The following CTNNA3 variants were observed in gnomAD, a reference collection of about 807,000 sequenced individuals.
CTNNA3 encodes the protein catenin alpha 3.
A neutral mutation model predicts 95.7 loss-of-function variants in CTNNA3; 76 were observed. The observed-to-expected ratio is 0.79, with a 90% CI of 0.66 to 0.96. CTNNA3 has a LOEUF of 0.96. CTNNA3 is among the 40% of genes least tolerant of loss of function. CTNNA3 has a pLI of 0.00. For synonymous variants in CTNNA3, 431 were observed against 374.4 expected (o/e 1.15, Z -1.74); for missense variants, 1,191 against 1,089.8 (o/e 1.09, Z -1.31).
At chr10:65,941,310 C>T (rs1230290116) in intron 17 of CTNNA3, among the ~76,000 whole-genome samples, 2 of 152,122 alleles carry the variant, frequency 1.3e-5, no homozygotes, top group African/African-American at 2.4e-5. Context: ...ACCCATGGTG[C>T]AATACTGACT....
At chr10:66,048,306 C>T (rs2079873116) in intron 15 of CTNNA3, among the ~76,000 whole-genome samples, 2 of 151,984 alleles carry the variant, frequency 1.3e-5, no homozygotes, top group African/African-American at 4.8e-5. Context: ...GAATAGAGAG[C>T]CCAGAAATAA....
chr10:66,980,784 G>C (rs116803809), intron 7 of CTNNA3, among the ~76,000 whole-genome samples: 56 of 152,310 alleles, frequency 3.7e-4, no homozygotes, highest in African/African-American at 1.3e-3. Flanking sequence ...TCATGTACAA[G>C]AGTGTTCAAG....
At chr10:66,451,700 A>G (rs1373200250) in intron 11 of CTNNA3, among the ~76,000 whole-genome samples, 4 of 152,180 alleles carry the variant, frequency 2.6e-5, no homozygotes, top group East Asian at 1.9e-4. Context: ...TCCTAGATAC[A>G]TAATTATGTG....
chr10:65,971,622 A>G (rs1187217315), intron 16 of CTNNA3, among the ~76,000 whole-genome samples: 4 of 152,000 alleles, frequency 2.6e-5, no homozygotes, highest in Admixed American at 2.6e-4. Context: ...TGAATTAGAA[A>G]GAAACTGAAA....
intron 13 of CTNNA3, among the ~76,000 whole-genome samples, chr10:66,166,799 G>GTGATCAGTTAGTATGATGGCAGA (rs1387383943): frequency 6.6e-6 from 1 of 152,116 alleles, no homozygotes; most frequent in Non-Finnish European, 1.5e-5. Flanking sequence ...GAAGGTTAGT[G>GTGATCAGTTAGTATGATGGCAGA]TGATCAGTTA....
chr10:67,240,047 A>G (rs373191209), intron 5 of CTNNA3, among the ~76,000 whole-genome samples: 5 of 152,342 alleles, frequency 3.3e-5, no homozygotes, highest in African/African-American at 1.2e-4. Flanking sequence ...CACATGGAAT[A>G]GCTCAGCATA....
intron 5 of CTNNA3, among the ~76,000 whole-genome samples, chr10:67,398,911 G>A (rs1261527020): frequency 6.6e-6 from 1 of 152,148 alleles, no homozygotes; most frequent in Non-Finnish European, 1.5e-5. Context: ...TAAGTTTCCT[G>A]AGGCCTTCCA....
intron 7 of CTNNA3, among the ~76,000 whole-genome samples, chr10:66,777,798 T>TGC (rs1491267483): frequency 1.2e-4 from 5 of 41,544 alleles, no homozygotes; most frequent in East Asian, 9.5e-4. Context: ...CACACACACA[T>TGC]GCACACACAC....
rs187335147 is a variant in CTNNA3 at position 66,003,456 on chromosome 10, C to T, written c.2160-14659G>A. Among the ~76,000 whole-genome samples, 36 of 151,950 alleles carry T rather than the reference C, an allele frequency of 2.4e-4. 1 individual carries two copies. Among genetic ancestry groups the T allele is most frequent in the African/African-American group, 8.2e-4 (34 of 41,354 alleles). ...TTCGGTCCTCAAATACCTCAATTTA[C>T]CCTTTACCTGTTAGTGTTGTAACAA... On this transcript the variant is annotated intron_variant, in intron 15 of 17. Transcript: ENST00000433211.
At chr10:67,091,367 T>C (rs10740267) in intron 7 of CTNNA3, among the ~76,000 whole-genome samples, 30,346 of 151,696 alleles carry the variant, frequency 0.2, 5,003 homozygotes, top group African/African-American at 0.46. Flanking sequence ...AATATATACA[T>C]GTATATATTT....
intron 11 of CTNNA3, among the ~76,000 whole-genome samples, chr10:66,413,212 CTGG>C (rs1420604235): frequency 1.3e-5 from 2 of 152,116 alleles, no homozygotes; most frequent in African/African-American, 4.8e-5. Flanking sequence ...TCCATTCTTG[CTGG>C]TAATATCTGG....
Position 66,331,342 on chromosome 10 carries a change from G to GC in CTNNA3, c.1732+47809_1732+47810insG, listed in dbSNP as rs201302254. On this transcript the variant is annotated intron_variant, in intron 12 of 17. Coordinates refer to ENST00000433211, the MANE Select transcript of CTNNA3 (RefSeq NM_013266.4). ...ATATGGACTCCTTTCCCCATTGTTT[G>GC]TTTTTTTTTTTTTTTTTTTTTTTTT... 4.3e-3 allele frequency among the ~76,000 whole-genome samples: 344 copies of GC among 80,326 alleles called. 45 individuals carry two copies. Among genetic ancestry groups the GC allele is most frequent in the African/African-American group, 0.013 (274 of 21,182 alleles). The allele number at this position is 80,326 out of a possible 152,430, so 52.7% of individuals were successfully genotyped here. A position where few individuals can be genotyped will look rare whatever the true frequency, so the allele number is the denominator to read the frequency against.
At chr10:66,250,033 G>C (rs1309839961) in intron 13 of CTNNA3, among the ~76,000 whole-genome samples, 1 of 152,096 alleles carries the variant, frequency 6.6e-6, no homozygotes, top group African/African-American at 2.4e-5. Flanking sequence ...AGAAAATGTA[G>C]TACATATACA....
chr10:67,339,716 T>G (rs1286328502), intron 5 of CTNNA3, among the ~76,000 whole-genome samples: 1 of 152,216 alleles, frequency 6.6e-6, no homozygotes, highest in Non-Finnish European at 1.5e-5. Context: ...AATACTCTTA[T>G]GTTGAAATAG....
At chr10:66,443,510 G>C (rs368474411) in intron 11 of CTNNA3, among the ~76,000 whole-genome samples, 5 of 152,246 alleles carry the variant, frequency 3.3e-5, no homozygotes, top group East Asian at 1.9e-4. Context: ...AAAATCCGCT[G>C]TTCTACAGCC....
chr10:67,598,199 C>G (rs1842981796), intron 3 of CTNNA3, among the ~76,000 whole-genome samples: 1 of 152,134 alleles, frequency 6.6e-6, no homozygotes, highest in African/African-American at 2.4e-5. Flanking sequence ...CATTCTTGTT[C>G]CAAACCTTCT....
intron 15 of CTNNA3, among the ~76,000 whole-genome samples, chr10:66,044,666 A>G (rs1446549351): frequency 6.6e-6 from 1 of 152,160 alleles, no homozygotes; most frequent in Non-Finnish European, 1.5e-5. Context: ...CTATGGCATT[A>G]TGTGGGTTTG....
chr10:66,767,297 T>C (rs1839904931), intron 8 of CTNNA3, among the ~76,000 whole-genome samples: 1 of 151,556 alleles, frequency 6.6e-6, no homozygotes, highest in Admixed American at 6.6e-5. Context: ...AATAAAAAAA[T>C]TAGTTGGGCA....
chr10:66,957,000 T>C (rs756050574), intron 7 of CTNNA3, among the ~76,000 whole-genome samples: 3 of 152,198 alleles, frequency 2.0e-5, no homozygotes, highest in Non-Finnish European at 4.4e-5. Flanking sequence ...CCATGGAATG[T>C]AGAAGATAAT....
Sources: gnomAD v4.1 joint callset for allele counts (sites outside exome capture counted in the v4.1 genomes callset) on GRCh38, gnomAD v4.1.1 for gene constraint, MANE v1.5 for transcripts, NCBI Gene and HGNC (gene_info 2026-07-23, HGNC 2026-07-21) for gene names.